The following PIEZO2 variants were observed in gnomAD, a reference collection of about 807,000 sequenced individuals.
PIEZO2 encodes the protein piezo-type mechanosensitive ion channel component 2.
In PIEZO2, 172 loss-of-function variants were observed where a neutral mutation model predicts 337.3. The ratio of observed to expected loss-of-function variants is 0.51; its 90% CI spans 0.45 to 0.58. PIEZO2 has a LOEUF of 0.58. PIEZO2 is among the 20% of genes least tolerant of loss of function. The probability of loss-of-function intolerance (pLI) is 0.00; values close to 1 mark genes in which losing one functional copy is unlikely to be tolerated. For missense variants in PIEZO2, 3,028 were observed against 3,391.3 expected, an observed-to-expected ratio of 0.89 and a Z score of 2.66; for synonymous variants, 1,251 against 1,228.5, an observed-to-expected ratio of 1.02 and a Z score of -0.38.
At position 10,878,110 on chromosome 18, in the gene PIEZO2, A is replaced by T. The variant is rs921682891; in HGVS notation, c.330-6695T>A. Among the ~76,000 whole-genome samples, 1 of 151,994 alleles carries T rather than the reference A, an allele frequency of 6.6e-6. No individual in the cohort carries two copies. The highest frequency in any genetic ancestry group is 2.4e-5 in the African/African-American group (1 of 41,400). The stretch of plus-strand genomic sequence containing the variant: ...GACCGCCATCCCTCCCACATCCTCC[A>T]TCAGTAGATGTTTAACACTGTGTCA... On this transcript the variant is annotated intron_variant, in intron 4 of 55. Coordinates refer to ENST00000674853, the MANE Select transcript of PIEZO2 (RefSeq NM_001378183.1). This position sits in a 1 kb window ranked among gnomAD's most constrained non-coding sequence, Gnocchi z 4.3.
Position 10,894,985 on chromosome 18 carries a change from C to G in PIEZO2, c.329+16201G>C, listed in dbSNP as rs1157867313. 6.6e-6 allele frequency among the ~76,000 whole-genome samples: 1 copy of G among 152,236 alleles called. No homozygotes were observed. Among genetic ancestry groups the G allele is most frequent in the Non-Finnish European group, 1.5e-5 (1 of 68,040 alleles). ...TGCAGATCCCACAATCCCTCCCTCTCTTTCCTGAGATGAGAGTCTGTAATG... is the reference window on the plus strand; with the variant it reads ...TGCAGATCCCACAATCCCTCCCTCTGTTTCCTGAGATGAGAGTCTGTAATG... On this transcript the variant is annotated intron_variant, in intron 4 of 55. Coordinates refer to ENST00000674853, the MANE Select transcript of PIEZO2 (RefSeq NM_001378183.1). The surrounding 1 kb of genome is among the most constrained non-coding windows in gnomAD (Gnocchi z 4.1).
At chr18:10,790,619 A>G (rs2039375682) in intron 14 of PIEZO2, among the ~76,000 whole-genome samples, 1 of 152,070 alleles carries the variant, frequency 6.6e-6, no homozygotes, top group African/African-American at 2.4e-5. Context: ...TACTCACTAG[A>G]AGTATGACCT....
At chr18:10,720,901 TG>T (rs2036283930) in intron 36 of PIEZO2, among the ~76,000 whole-genome samples, 1 of 152,206 alleles carries the variant, frequency 6.6e-6, no homozygotes, top group African/African-American at 2.4e-5. Context: ...TTTTTATGCA[TG>T]GGCTTGCTTT....
chr18:11,120,034 A>G (rs1378036989), intron 1 of PIEZO2, among the ~76,000 whole-genome samples: 1 of 152,228 alleles, frequency 6.6e-6, no homozygotes, highest in East Asian at 1.9e-4. Flanking sequence ...GTCTCCATCC[A>G]TCAGAATCAG....
intron 39 of PIEZO2, among the ~76,000 whole-genome samples, chr18:10,711,456 T>C (rs1040584871): frequency 7.9e-5 from 12 of 152,242 alleles, no homozygotes; most frequent in African/African-American, 2.9e-4. Flanking sequence ...TGTATCTTTG[T>C]ATGATTTTTC....
chr18:10,957,058 C>T (rs1422205997), intron 3 of PIEZO2, among the ~76,000 whole-genome samples: 1 of 151,196 alleles, frequency 6.6e-6, no homozygotes, highest in Non-Finnish European at 1.5e-5. Flanking sequence ...TGATTTTCAA[C>T]AAAGGTGTCA....
In PIEZO2 at chr18:11,129,834, G is replaced by A. The variant is rs1473990847; in HGVS notation, c.64+18691C>T. On this transcript the variant is annotated intron_variant, in intron 1 of 55. Coordinates refer to ENST00000674853, the MANE Select transcript of PIEZO2 (RefSeq NM_001378183.1). The surrounding 1 kb of genome is among the most constrained non-coding windows in gnomAD (Gnocchi z 4.6). ...CATCGTGGTACTTCAGTTAAAGTAG[G>A]GGCTTATGGAGGTCAGGTAATTAAT... Among the ~76,000 whole-genome samples the A allele has an allele frequency of 1.3e-5, 2 of 152,164 alleles. No homozygotes were observed. The highest frequency in any genetic ancestry group is 2.9e-5 in the Non-Finnish European group (2 of 68,038).
chr18:10,896,829 T>G (rs550926588), intron 4 of PIEZO2, among the ~76,000 whole-genome samples: 150 of 152,298 alleles, frequency 9.8e-4, no homozygotes, highest in African/African-American at 3.5e-3. Context: ...AGAAGGTTCC[T>G]GTTGGTTCAG....
At chr18:10,752,008 G>A (rs148031626) in intron 28 of PIEZO2, among the ~76,000 whole-genome samples, 2 of 152,112 alleles carry the variant, frequency 1.3e-5, no homozygotes, top group Non-Finnish European at 2.9e-5. Context: ...TTGTGGGGGG[G>A]GAGGGTCCCT....
At chr18:11,029,082 C>G (rs995609650) in intron 2 of PIEZO2, among the ~76,000 whole-genome samples, 1 of 152,174 alleles carries the variant, frequency 6.6e-6, no homozygotes, top group African/African-American at 2.4e-5. Context: ...ATTACATTAA[C>G]TTTTCACAAT....
intron 49 of PIEZO2, among the ~76,000 whole-genome samples, 155 bp downstream of exon 49, chr18:10,689,500 C>T (rs1206215185): frequency 6.6e-6 from 1 of 152,140 alleles, no homozygotes; most frequent in African/African-American, 2.4e-5. Context: ...GTCTAAATTC[C>T]CAACTCTAGT....
chr18:10,687,742 G>C (rs506097), intron 49 of PIEZO2, among the ~76,000 whole-genome samples: 148,792 of 152,256 alleles, frequency 0.98, 72,718 homozygotes, highest in East Asian at 1. Context: ...GTGCTGCCAC[G>C]AGGGGAAGAA....
intron 1 of PIEZO2, among the ~76,000 whole-genome samples, chr18:11,081,017 G>T (rs1167057446): frequency 6.6e-6 from 1 of 152,188 alleles, no homozygotes; most frequent in Non-Finnish European, 1.5e-5. Flanking sequence ...AAAGGAATTT[G>T]ATGAAAGTGC....
At chr18:11,086,541 A>T (rs1159142196) in intron 1 of PIEZO2, among the ~76,000 whole-genome samples, 3 of 152,200 alleles carry the variant, frequency 2.0e-5, no homozygotes, top group Non-Finnish European at 4.4e-5. Flanking sequence ...AGGTTCTTTA[A>T]GTCTCAAAAC....
intron 1 of PIEZO2, among the ~76,000 whole-genome samples, chr18:11,121,214 T>C (rs1157869873): frequency 6.6e-6 from 1 of 151,234 alleles, no homozygotes; most frequent in East Asian, 2.0e-4. Flanking sequence ...ATCGGGCCAC[T>C]GCGTTCCATC....
At position 11,009,319 on chromosome 18, in the gene PIEZO2, G is replaced by A. The variant is rs1271472025; in HGVS notation, c.161-29659C>T. On this transcript the variant is annotated intron_variant, in intron 2 of 55. Coordinates refer to ENST00000674853, the MANE Select transcript of PIEZO2 (RefSeq NM_001378183.1). The surrounding 1 kb of genome is among the most constrained non-coding windows in gnomAD (Gnocchi z 4.6). ...CCTTGGGAATCTTTAAGAATAGGAT[G>A]GATGTCCAGACTCCACCCCTGGAAG... Among the ~76,000 whole-genome samples, 1 of 152,174 alleles carries A rather than the reference G, an allele frequency of 6.6e-6. No homozygotes were observed. The highest frequency in any genetic ancestry group is 1.5e-5 in the Non-Finnish European group (1 of 68,028).
intron 5 of PIEZO2, among the ~76,000 whole-genome samples, chr18:10,869,944 C>T (rs866098265): frequency 6.6e-5 from 10 of 151,608 alleles, no homozygotes; most frequent in Non-Finnish European, 5.9e-5. Flanking sequence ...GGTGTGATCT[C>T]GGCTCACTGC....
rs891884524 is a variant in PIEZO2, at chr18:10,888,050, T to C, written c.330-16635A>G. On this transcript the variant is annotated intron_variant, in intron 4 of 55. Transcript: ENST00000674853. The surrounding 1 kb of genome is among the most constrained non-coding windows in gnomAD (Gnocchi z 4.1). Reference sequence around the variant, plus strand: ...CCTTATCAAGCTTCCACCCACCAACTTTAGCAGACATTAATGACTCCTGCC... The same window carrying C: ...CCTTATCAAGCTTCCACCCACCAACCTTAGCAGACATTAATGACTCCTGCC... Among the ~76,000 whole-genome samples the C allele has an allele frequency of 1.3e-5, 2 of 152,238 alleles. No individual in the cohort carries two copies. The highest frequency in any genetic ancestry group is 2.9e-5 in the Non-Finnish European group (2 of 68,044).
chr18:11,124,276 C>G (rs1215638485), intron 1 of PIEZO2, among the ~76,000 whole-genome samples: 6 of 152,194 alleles, frequency 3.9e-5, no homozygotes, highest in Non-Finnish European at 7.3e-5. Flanking sequence ...CGTTTGGCTA[C>G]TTTCCATTCC....
Sources: allele counts gnomAD v4.1 joint callset (sites outside exome capture counted in the v4.1 genomes callset), GRCh38; gene constraint gnomAD v4.1.1; non-coding constraint Gnocchi (gnomAD v3.1); transcripts MANE v1.5; gene names NCBI Gene and HGNC (gene_info 2026-07-23, HGNC 2026-07-21).